ATRNL1: variants seen among roughly 807,000 people sequenced by gnomAD.
The protein encoded by ATRNL1 is attractin-like protein 1.
ATRNL1 carries 95 observed loss-of-function variants against 182.7 expected under a neutral mutation model. The ratio of observed to expected loss-of-function variants is 0.52; its 90% CI spans 0.44 to 0.62. The LOEUF (loss-of-function observed/expected upper bound fraction) is 0.62. Among genes scored for constraint, ATRNL1 ranks in the 20% least tolerant of loss-of-function variants. The pLI is 0.00. For missense variants in ATRNL1, 1,471 were observed against 1,679.5 expected, an observed-to-expected ratio of 0.88 and a Z score of 2.17; for synonymous variants, 576 against 568.3, an observed-to-expected ratio of 1.01 and a Z score of -0.19.
At chr10:115,722,738 G>T (rs1565319217) in intron 26 of ATRNL1, among the ~76,000 whole-genome samples, 1 of 152,032 alleles carries the variant, frequency 6.6e-6, no homozygotes, top group African/African-American at 2.4e-5. Flanking sequence ...TTAATGCATT[G>T]TGATGACTTT....
rs1953908261 is a variant in ATRNL1, at chr10:115,947,773, C to T, written c.*2994C>T. On this transcript the variant is annotated 3_prime_UTR_variant, in exon 29 of 29. Transcript: ENST00000355044. ...GGTATAAGGTCATTTAGGGTGCACA[C>T]TGGCACACAGGCTGGAAAACGGGCA... 6.6e-6 allele frequency: 1 copy of T among 152,206 alleles called. No individual in the cohort carries two copies. Among genetic ancestry groups the T allele is most frequent in the African/African-American group, 2.4e-5 (1 of 41,440 alleles). The allele number at this position is 152,206 out of a possible 1,614,324, so 9.4% of individuals were successfully genotyped here.
chr10:115,494,301 C>T (rs1223068614), intron 24 of ATRNL1, among the ~76,000 whole-genome samples: 2 of 152,156 alleles, frequency 1.3e-5, no homozygotes, highest in Non-Finnish European at 2.9e-5. Context: ...TTGACTTCCT[C>T]TCATCCTGTT....
At chr10:115,785,205 T>C (rs1326388091) in intron 27 of ATRNL1, among the ~76,000 whole-genome samples, 1 of 152,208 alleles carries the variant, frequency 6.6e-6, no homozygotes, top group African/African-American at 2.4e-5. Flanking sequence ...GGCATAGGTT[T>C]AGACATTCTC....
chr10:115,376,990 T>C lies in ATRNL1; in HGVS notation c.3176-17669T>C, dbSNP rs376582220. 7.6e-4 allele frequency among the ~76,000 whole-genome samples: 115 copies of C among 152,312 alleles called. 3 individuals carry two copies. The South Asian group carries it at 0.023, about 31-fold the overall frequency. Reference sequence around the variant, plus strand: ...TTTTTTTCTTGTGTATGATTGAGTCTGCTGTTTAAACTCTCTATTGTGATT... The same window carrying C: ...TTTTTTTCTTGTGTATGATTGAGTCCGCTGTTTAAACTCTCTATTGTGATT... On this transcript the variant is annotated intron_variant, in intron 19 of 28. Transcript: ENST00000355044.
intron 18 of ATRNL1, among the ~76,000 whole-genome samples, chr10:115,316,491 G>T (rs1854308858): frequency 6.6e-6 from 1 of 152,104 alleles, no homozygotes; most frequent in Admixed American, 6.5e-5. Flanking sequence ...GGATTGCTGG[G>T]TCAAATGGTA....
At chr10:115,611,173 G>T (rs1371402385) in intron 26 of ATRNL1, among the ~76,000 whole-genome samples, 1 of 151,688 alleles carries the variant, frequency 6.6e-6, no homozygotes, top group East Asian at 1.9e-4. Context: ...GTGAAATTGA[G>T]TTGTTAAACA....
intron 25 of ATRNL1, among the ~76,000 whole-genome samples, chr10:115,530,120 A>G (rs1386752701): frequency 6.6e-6 from 1 of 151,870 alleles, no homozygotes; most frequent in Non-Finnish European, 1.5e-5. Flanking sequence ...TTATTTCTCT[A>G]TTAGTTGATG....
intron 26 of ATRNL1, among the ~76,000 whole-genome samples, chr10:115,678,583 C>A (rs1945943091): frequency 6.6e-6 from 1 of 152,076 alleles, no homozygotes; most frequent in South Asian, 2.1e-4. Context: ...ATTTGAATAT[C>A]TATAATCATT....
chr10:115,398,416 T>C (rs1554956137), intron 20 of ATRNL1, among the ~76,000 whole-genome samples: 1 of 152,010 alleles, frequency 6.6e-6, no homozygotes, highest in Non-Finnish European at 1.5e-5. Context: ...TTAGTTTTCC[T>C]TGTAGAGATC....
chr10:115,440,288 G>A (rs182933310), intron 21 of ATRNL1, among the ~76,000 whole-genome samples: 2 of 151,872 alleles, frequency 1.3e-5, no homozygotes, highest in East Asian at 3.9e-4. Flanking sequence ...TCTTATATTG[G>A]AGAATAATAT....
At chr10:115,096,801 A>G in intron 1 of ATRNL1, 1 of 1,201,928 alleles carries the variant, frequency 8.3e-7, no homozygotes, top group Non-Finnish European at 1.1e-6. Flanking sequence ...TGAAAAGAAT[A>G]AAGCACTCAG....
chr10:115,111,085 T>TA (rs1844237252), intron 1 of ATRNL1, among the ~76,000 whole-genome samples: 1 of 152,230 alleles, frequency 6.6e-6, no homozygotes, highest in South Asian at 2.1e-4. Context: ...AGCATAAAGT[T>TA]ATGAAATGAT....
At chr10:115,614,574 A>T (rs1857334005) in intron 26 of ATRNL1, among the ~76,000 whole-genome samples, 1 of 152,144 alleles carries the variant, frequency 6.6e-6, no homozygotes, top group African/African-American at 2.4e-5. Context: ...TCTGATGATT[A>T]TTTTTGTTTT....
chr10:115,880,636 A>G (rs1951805816), intron 28 of ATRNL1, among the ~76,000 whole-genome samples: 1 of 152,158 alleles, frequency 6.6e-6, no homozygotes, highest in African/African-American at 2.4e-5. Flanking sequence ...AGACAAAAAC[A>G]AAAAAGAAAG....
At chr10:115,749,470 AT>A (rs1335696866) in intron 27 of ATRNL1, among the ~76,000 whole-genome samples, 7 of 152,038 alleles carry the variant, frequency 4.6e-5, no homozygotes, top group African/African-American at 1.7e-4. Context: ...TAGTAAAAAA[AT>A]AAGTGAAGTA....
chr10:115,401,998 G>A (rs1844588041), intron 20 of ATRNL1, among the ~76,000 whole-genome samples: 1 of 152,086 alleles, frequency 6.6e-6, no homozygotes, highest in African/African-American at 2.4e-5. Flanking sequence ...TCTCTTAAGA[G>A]GTATCTCAAA....
At chr10:115,642,383 T>G (rs1244642848) in intron 26 of ATRNL1, among the ~76,000 whole-genome samples, 1 of 152,054 alleles carries the variant, frequency 6.6e-6, no homozygotes, top group African/African-American at 2.4e-5. Context: ...ATTAATGTTG[T>G]CAGTCTTCCT....
chr10:115,606,006 G>A (rs977802115), intron 26 of ATRNL1, among the ~76,000 whole-genome samples: 3 of 152,000 alleles, frequency 2.0e-5, no homozygotes, highest in Admixed American at 6.6e-5. Flanking sequence ...TGTGGGGATA[G>A]GGAGAAAAAG....
chr10:115,337,192 A>T (rs558521693), intron 19 of ATRNL1, among the ~76,000 whole-genome samples: 3 of 152,036 alleles, frequency 2.0e-5, no homozygotes, highest in African/African-American at 7.2e-5. Flanking sequence ...AAAAGAATTC[A>T]ATTTTTAATT....
Sources: gnomAD v4.1 joint callset for allele counts (sites outside exome capture counted in the v4.1 genomes callset) on GRCh38, gnomAD v4.1.1 for gene constraint, MANE v1.5 for transcripts, NCBI Gene and HGNC (gene_info 2026-07-23, HGNC 2026-07-21) for gene names.